MYZAP: variants seen among roughly 807,000 people sequenced by gnomAD.
MYZAP encodes GRINL1A complex locus upstream.
MYZAP carries 66 observed loss-of-function variants against 69.4 expected under a neutral mutation model. The ratio of observed to expected loss-of-function variants is 0.95; its 90% CI spans 0.78 to 1.17. The LOEUF (loss-of-function observed/expected upper bound fraction) is 1.17. Among genes scored for constraint, MYZAP ranks in the 50% most tolerant of loss-of-function variants. The pLI is 0.00. For missense variants in MYZAP, 611 were observed against 556.2 expected (o/e 1.10, Z -0.99); for synonymous variants, 256 against 205.9 (o/e 1.24, Z -2.09).
In MYZAP at chr15:57,617,945, A is replaced by G. The variant is rs186515622; in HGVS notation, c.163-88A>G. The G allele has an allele frequency of 5.7e-4, 845 of 1,474,530 alleles. 12 individuals are homozygous for G. The East Asian group carries it at 0.017, about 30-fold the overall frequency. 91.3% of individuals were successfully genotyped at this position (1,474,530 alleles called of 1,614,324 possible). ...GCAATGAGTGCTGGGCACAATTTGCATAATCATACACAGTGGGCCCGTTAT... is the reference window on the plus strand; with the variant it reads ...GCAATGAGTGCTGGGCACAATTTGCGTAATCATACACAGTGGGCCCGTTAT... On this transcript the variant is annotated intron_variant, in intron 2 of 12. Transcript: ENST00000267853.
In MYZAP at chr15:57,592,142, C is replaced by T. The variant is rs1015585138; in HGVS notation, c.75+33C>T. ...GCGGGGGCGGGAGCCGCCGCCGTCC[C>T]GTTCCCCCATCCCGGCCGCCCCCTC... On this transcript the variant is annotated intron_variant, in intron 1 of 12. Coordinates refer to ENST00000267853, the MANE Select transcript of MYZAP (RefSeq NM_001018100.5). 8 of 1,285,186 alleles carry T rather than the reference C, an allele frequency of 6.2e-6. No individual in the cohort carries two copies. The African/African-American group carries it at 1.1e-4, about 17-fold the overall frequency. 79.6% of individuals were successfully genotyped at this position (1,285,186 alleles called of 1,614,324 possible).
intron 12 of MYZAP, among the ~76,000 whole-genome samples, chr15:57,675,896 A>C (rs747523740): frequency 7.9e-5 from 12 of 152,200 alleles, no homozygotes; most frequent in Admixed American, 6.5e-4. Context: ...AATGCCTGGT[A>C]TCGTGTGTGC....
chr15:57,613,229 G>T (rs1404464972), intron 2 of MYZAP, among the ~76,000 whole-genome samples: 1 of 152,132 alleles, frequency 6.6e-6, no homozygotes, highest in East Asian at 1.9e-4. Context: ...ACCATTCCTG[G>T]CCAGGCCTTT....
chr15:57,600,117 T>G (rs2034320063), intron 1 of MYZAP, among the ~76,000 whole-genome samples: 1 of 152,244 alleles, frequency 6.6e-6, no homozygotes. Flanking sequence ...AATGGGATTA[T>G]TCTTAATGTT....
intron 8 of MYZAP, among the ~76,000 whole-genome samples, chr15:57,634,590 A>G (rs1567219563): frequency 6.6e-6 from 1 of 152,194 alleles, no homozygotes; most frequent in African/African-American, 2.4e-5. Flanking sequence ...TGTGATGCTG[A>G]GAAGAGGTCG....
intron 10 of MYZAP, among the ~76,000 whole-genome samples, chr15:57,641,639 GACC>G (rs1194735067): frequency 6.6e-6 from 1 of 152,020 alleles, no homozygotes; most frequent in Non-Finnish European, 1.5e-5. Context: ...AGTGAATGTA[GACC>G]ACCACCACCA....
chr15:57,610,196 CT>C (rs2035015405), intron 2 of MYZAP, among the ~76,000 whole-genome samples: 1 of 152,142 alleles, frequency 6.6e-6, no homozygotes, highest in Non-Finnish European at 1.5e-5. Context: ...CTCTCTAGAT[CT>C]TTGAGAATGC....
chr15:57,679,656 T>A (rs1241320697), intron 12 of MYZAP, among the ~76,000 whole-genome samples: 1 of 152,188 alleles, frequency 6.6e-6, no homozygotes, highest in Non-Finnish European at 1.5e-5. Context: ...CTCCAGCTTC[T>A]CTGATGGCTT....
intron 10 of MYZAP, among the ~76,000 whole-genome samples, chr15:57,656,027 T>C (rs1181574019): frequency 2.6e-5 from 4 of 152,232 alleles, no homozygotes; most frequent in African/African-American, 9.6e-5. Context: ...TAGAACTAAA[T>C]GCAGCTTTGT....
chr15:57,646,530 T>A, intron 10 of MYZAP: 1 of 1,019,764 alleles, frequency 9.8e-7, no homozygotes, highest in South Asian at 3.9e-5. Flanking sequence ...AGGTGGAGGC[T>A]TGGAAGATGA....
At chr15:57,613,734 T>A (rs1274326999) in intron 2 of MYZAP, among the ~76,000 whole-genome samples, 6 of 152,186 alleles carry the variant, frequency 3.9e-5, no homozygotes, top group African/African-American at 1.4e-4. Context: ...GACTGGATCA[T>A]GTAATGAGTC....
In MYZAP at chr15:57,684,958, A is replaced by G. The variant is rs1365558236; in HGVS notation, c.*460A>G. On this transcript the variant is annotated 3_prime_UTR_variant, in exon 13 of 13. Transcript: ENST00000267853. ...ACAGAGAGGCCTGTCCACAAGAAGC[A>G]TGGGCACCCAGCCAAACTTGAACCT... is the stretch of plus-strand genomic sequence containing the variant. The G allele has an allele frequency of 6.5e-6, 1 of 153,404 alleles. No individual in the cohort carries two copies. Among genetic ancestry groups the G allele is most frequent in the Non-Finnish European group, 1.4e-5 (1 of 68,980 alleles). 9.5% of individuals were successfully genotyped at this position (153,404 alleles called of 1,614,324 possible). A position where few individuals can be genotyped will look rare whatever the true frequency, so the allele number is the denominator to read the frequency against.
At chr15:57,633,788 C>T in intron 8 of MYZAP, 47 bp downstream of exon 8, 1 of 1,454,770 alleles carries the variant, frequency 6.9e-7, no homozygotes, top group Non-Finnish European at 9.1e-7. Flanking sequence ...AAACTTTTCC[C>T]TGTAGGTCCA....
intron 2 of MYZAP, among the ~76,000 whole-genome samples, chr15:57,605,443 C>T (rs1240717471): frequency 1.3e-5 from 2 of 152,152 alleles, no homozygotes; most frequent in Non-Finnish European, 2.9e-5. Flanking sequence ...GAAATACAAG[C>T]TTGCTTTAGA....
chr15:57,668,894 A>ATATATATATATATTTT (rs1252525814), intron 11 of MYZAP, among the ~76,000 whole-genome samples: 36 of 62,598 alleles, frequency 5.8e-4, no homozygotes, highest in African/African-American at 1.0e-3. Context: ...ATATATATAT[A>ATATATATATATATTTT]TTTTTTTTTT....
At chr15:57,604,764 G>A (rs755006956) in intron 2 of MYZAP, among the ~76,000 whole-genome samples, 7 of 152,220 alleles carry the variant, frequency 4.6e-5, no homozygotes, top group Non-Finnish European at 8.8e-5. Context: ...CTCTGCTCCC[G>A]CAGAAGAGAG....
At position 57,594,240 on chromosome 15, in the gene MYZAP, C is replaced by T. The variant is rs111290012; in HGVS notation, c.75+2131C>T. 5.2e-3 allele frequency among the ~76,000 whole-genome samples: 799 copies of T among 152,288 alleles called. 4 individuals are homozygous for T. Among genetic ancestry groups the T allele is most frequent in the African/African-American group, 0.019 (773 of 41,556 alleles). On this transcript the variant is annotated intron_variant, in intron 1 of 12. Transcript: ENST00000267853. Reference sequence around the variant, plus strand: ...AAGCAGTCCTCCTGCCTCAGCCTTCCGAGTAGCTGGGACTACAGGCGCACA... The same window carrying T: ...AAGCAGTCCTCCTGCCTCAGCCTTCTGAGTAGCTGGGACTACAGGCGCACA...
chr15:57,629,318 T>C (rs553287454), intron 5 of MYZAP, among the ~76,000 whole-genome samples: 69 of 152,350 alleles, frequency 4.5e-4, no homozygotes, highest in African/African-American at 1.6e-3. Flanking sequence ...CTTATACATA[T>C]TTTTCAAAAT....
At chr15:57,621,158 T>A (rs1384412395) in intron 3 of MYZAP, among the ~76,000 whole-genome samples, 10 of 148,646 alleles carry the variant, frequency 6.7e-5, no homozygotes, top group African/African-American at 2.4e-4. Flanking sequence ...CTTAATTTCC[T>A]GTCTTGTTCT....
Sources: gnomAD v4.1 joint callset for allele counts (sites outside exome capture counted in the v4.1 genomes callset) on GRCh38, gnomAD v4.1.1 for gene constraint, MANE v1.5 for transcripts, NCBI Gene and HGNC (gene_info 2026-07-23, HGNC 2026-07-21) for gene names.